Variants in MS4A15 observed in about 807,000 individuals in gnomAD.
MS4A15 encodes membrane spanning 4-domains A15, also known as membrane-spanning 4-domains subfamily A member 15.
A neutral mutation model predicts 20.6 loss-of-function variants in MS4A15; 22 were observed. The ratio of observed to expected loss-of-function variants is 1.07; its 90% confidence interval spans 0.76 to 1.52. The LOEUF (loss-of-function observed/expected upper bound fraction) is 1.52, where lower values mean the gene tolerates loss of function less well. Among genes scored for constraint, MS4A15 ranks in the 40% most tolerant of loss-of-function variants. The probability of loss-of-function intolerance (pLI) is 0.00; values close to 1 mark genes in which losing one functional copy is unlikely to be tolerated. For missense variants in MS4A15, 312 were observed against 323.0 expected, an observed-to-expected ratio of 0.97 and a Z score of 0.26; for synonymous variants, 129 against 129.3, an observed-to-expected ratio of 1.00 and a Z score of 0.02.
At chr11:60,764,326 C>T (rs1253426769) in intron 2 of MS4A15, among the ~76,000 whole-genome samples, 3 of 152,100 alleles carry the variant, frequency 2.0e-5, no homozygotes, top group Admixed American at 1.3e-4. Flanking sequence ...AGAGGGAGGG[C>T]TCACCAGGTA....
rs1854202871 is a variant in MS4A15, at chr11:60,776,687, C to T, written c.*972C>T. ...AGGCCTGGTAGATGAGATGGCTTGTCTCATCCACACCACAGAAGGAAATAA... is the reference window on the plus strand; with the variant it reads ...AGGCCTGGTAGATGAGATGGCTTGTTTCATCCACACCACAGAAGGAAATAA... On this transcript the variant is annotated 3_prime_UTR_variant, in exon 7 of 7. Coordinates refer to ENST00000405633, the MANE Select transcript of MS4A15 (RefSeq NM_001098835.2). The T allele has an allele frequency of 6.6e-6, 1 of 152,234 alleles. No homozygotes were observed. The highest frequency in any genetic ancestry group is 2.4e-5 in the African/African-American group (1 of 41,456). The allele number at this position is 152,234 out of a possible 1,614,324, so 9.4% of individuals were successfully genotyped here.
chr11:60,764,461 A>G (rs1853831610), intron 2 of MS4A15, among the ~76,000 whole-genome samples: 1 of 152,260 alleles, frequency 6.6e-6, no homozygotes, highest in Admixed American at 6.5e-5. Context: ...GATGAAAGTC[A>G]GCCCTGATAG....
intron 6 of MS4A15, among the ~76,000 whole-genome samples, chr11:60,774,583 C>T (rs1176168032): frequency 1.3e-5 from 2 of 152,172 alleles, no homozygotes; most frequent in African/African-American, 2.4e-5. Context: ...CAGTGCTGCA[C>T]CCAGAGGAGT....
intron 3 of MS4A15, among the ~76,000 whole-genome samples, 168 bp downstream of exon 3, chr11:60,767,823 G>C (rs1169519318): frequency 1.3e-5 from 2 of 152,152 alleles, no homozygotes; most frequent in African/African-American, 4.8e-5. Context: ...TGCCGGAAAC[G>C]CTCACCATAA....
intron 3 of MS4A15, among the ~76,000 whole-genome samples, chr11:60,770,613 A>T (rs1854010635): frequency 6.6e-6 from 1 of 151,722 alleles, no homozygotes; most frequent in Non-Finnish European, 1.5e-5. Flanking sequence ...ATAAAATAAA[A>T]AAAAAAAAGC....
At position 60,771,866 on chromosome 11, in the gene MS4A15, G is replaced by C. The variant is rs1854053604; in HGVS notation, c.405+519G>C. On this transcript the variant is annotated intron_variant, in intron 4 of 6. Coordinates refer to ENST00000405633, the MANE Select transcript of MS4A15 (RefSeq NM_001098835.2). Reference sequence around the variant, plus strand: ...CTGCAGGCACTGGGAGGCGATGGAGGCTTTGAACAGGAGGGTATGAGCTTT... The same window carrying C: ...CTGCAGGCACTGGGAGGCGATGGAGCCTTTGAACAGGAGGGTATGAGCTTT... 5 of 861,110 alleles carry C rather than the reference G, an allele frequency of 5.8e-6. No individual in the cohort carries two copies. The South Asian group carries it at 9.1e-5, about 16-fold the overall frequency. 53.3% of individuals were successfully genotyped at this position (861,110 alleles called of 1,614,324 possible). A position where few individuals can be genotyped will look rare whatever the true frequency, so the allele number is the denominator to read the frequency against.
At chr11:60,769,162 G>A (rs755910005) in intron 3 of MS4A15, among the ~76,000 whole-genome samples, 5 of 151,724 alleles carry the variant, frequency 3.3e-5, no homozygotes, top group Admixed American at 6.6e-5. Flanking sequence ...TCAAAAATGG[G>A]GGAAGGAACA....
At chr11:60,774,542 G>C (rs977719653) in intron 6 of MS4A15, among the ~76,000 whole-genome samples, 1 of 152,264 alleles carries the variant, frequency 6.6e-6, no homozygotes, top group African/African-American at 2.4e-5. Flanking sequence ...CAGCCTTGCA[G>C]AATAGAAGGC....
In MS4A15 at chr11:60,775,847, C is replaced by T. The variant is rs368384133; in HGVS notation, c.*132C>T. On this transcript the variant is annotated 3_prime_UTR_variant, in exon 7 of 7. Coordinates refer to ENST00000405633, the MANE Select transcript of MS4A15 (RefSeq NM_001098835.2). ...TCCCTCACCACATCTACACATACTC[C>T]GGCATCTGAGTGAAGTGTCCCCAGG... The T allele has an allele frequency of 1.4e-5, 9 of 655,638 alleles. No individual in the cohort carries two copies. Among genetic ancestry groups the T allele is most frequent in the Non-Finnish European group, 2.1e-5 (8 of 381,282 alleles). The allele number at this position is 655,638 out of a possible 1,614,324, so 40.6% of individuals were successfully genotyped here.
chr11:60,760,449 C>A (rs11608015), intron 1 of MS4A15, among the ~76,000 whole-genome samples: 58,559 of 148,518 alleles, frequency 0.39, 12,940 homozygotes, highest in East Asian at 0.64. Flanking sequence ...TCAGTATCCA[C>A]CCTTTGGACG....
At chr11:60,767,414 GTTTC>G (rs947016513) in intron 2 of MS4A15, 115 bp from the exon 3 acceptor site, 11 of 1,257,650 alleles carry the variant, frequency 8.7e-6, no homozygotes, top group Middle Eastern at 4.2e-4. Flanking sequence ...CAGAATCTGA[GTTTC>G]TTTCCCAGTG....
intron 2 of MS4A15, 77 bp from the exon 3 acceptor site, chr11:60,767,456 A>G (rs902087265): frequency 3.6e-6 from 5 of 1,396,352 alleles, no homozygotes; most frequent in Admixed American, 6.6e-5. Flanking sequence ...GGGCGGGGCC[A>G]GCCACGCTCT....
intron 2 of MS4A15, among the ~76,000 whole-genome samples, chr11:60,765,218 A>T (rs146714528): frequency 1.4e-4 from 21 of 152,316 alleles, no homozygotes; most frequent in Admixed American, 3.3e-4. Flanking sequence ...CTGTTACAAA[A>T]ATATACTCCT....
intron 1 of MS4A15, among the ~76,000 whole-genome samples, chr11:60,758,551 A>G (rs1853647685): frequency 6.6e-6 from 1 of 152,250 alleles, no homozygotes; most frequent in South Asian, 2.1e-4. Flanking sequence ...TTTTGCTGCA[A>G]TAATGACCGG....
rs1209813572 is a variant in MS4A15, at chr11:60,775,949, G to A, written c.*234G>A. The stretch of plus-strand genomic sequence containing the variant: ...TGACGTCAGGGGTGTGTGTCCTTCA[G>A]CTCCCTGAGCCCTGTCACCCTTCCA... On this transcript the variant is annotated 3_prime_UTR_variant, in exon 7 of 7. Coordinates refer to ENST00000405633, the MANE Select transcript of MS4A15 (RefSeq NM_001098835.2). 7.5e-6 allele frequency: 3 copies of A among 402,126 alleles called. No individual in the cohort carries two copies. The highest frequency in any genetic ancestry group is 7.6e-5 in the East Asian group (2 of 26,282). 24.9% of individuals were successfully genotyped at this position (402,126 alleles called of 1,614,324 possible).
intron 2 of MS4A15, among the ~76,000 whole-genome samples, chr11:60,765,832 G>C (rs1194057430): frequency 6.7e-6 from 1 of 149,140 alleles, no homozygotes; most frequent in African/African-American, 2.5e-5. Flanking sequence ...ACAGCGGCTG[G>C]AATTTCGAAG....
chr11:60,764,016 C>T, intron 2 of MS4A15, 58 bp downstream of exon 2: 1 of 1,461,898 alleles, frequency 6.8e-7, no homozygotes, highest in Non-Finnish European at 9.3e-7. Flanking sequence ...AGCACCGGAA[C>T]ATTCATGCAT....
intron 3 of MS4A15, among the ~76,000 whole-genome samples, chr11:60,770,924 C>T (rs1314264678): frequency 6.6e-6 from 1 of 152,082 alleles, no homozygotes; most frequent in African/African-American, 2.4e-5. Flanking sequence ...CCAGGCTGGT[C>T]TTGAACTCTT....
intron 3 of MS4A15, among the ~76,000 whole-genome samples, chr11:60,768,790 G>A (rs1389320479): frequency 6.6e-6 from 1 of 152,140 alleles, no homozygotes; most frequent in Admixed American, 6.5e-5. Flanking sequence ...GTCCTTTTTC[G>A]AGAGAAAGCC....
Sources: allele counts gnomAD v4.1 joint callset (sites outside exome capture counted in the v4.1 genomes callset), GRCh38; gene constraint gnomAD v4.1.1; transcripts MANE v1.5; gene names NCBI Gene and HGNC (gene_info 2026-07-23, HGNC 2026-07-21).